CDCA7L: variants seen among roughly 807,000 people sequenced by gnomAD.
CDCA7L encodes the protein cell division cycle-associated 7-like protein.
A neutral mutation model predicts 57.4 loss-of-function variants in CDCA7L; 44 were observed. The observed-to-expected ratio is 0.77, with a 90% CI of 0.60 to 0.98. CDCA7L has a LOEUF of 0.98. CDCA7L is among the 50% of genes least tolerant of loss of function. The probability of loss-of-function intolerance (pLI) is 0.00; values close to 1 mark genes in which losing one functional copy is unlikely to be tolerated. For synonymous variants in CDCA7L, 236 were observed against 202.8 expected, an observed-to-expected ratio of 1.16 and a Z score of -1.39; for missense variants, 644 against 580.6, an observed-to-expected ratio of 1.11 and a Z score of -1.12.
At chr7:21,917,458 T>C (rs968492348) in intron 1 of CDCA7L, among the ~76,000 whole-genome samples, 6 of 152,208 alleles carry the variant, frequency 3.9e-5, no homozygotes, top group African/African-American at 7.2e-5. Context: ...TAGGGGATAA[T>C]TGATCCCAGA....
At chr7:21,922,840 G>T (rs1236031962) in intron 1 of CDCA7L, among the ~76,000 whole-genome samples, 1 of 152,124 alleles carries the variant, frequency 6.6e-6, no homozygotes, top group Non-Finnish European at 1.5e-5. Flanking sequence ...ACACTAAAAA[G>T]GAAGGAAATT....
chr7:21,902,565 C>CAGAGTTTATTA (rs1562617914), intron 9 of CDCA7L: 8 of 578,864 alleles, frequency 1.4e-5, no homozygotes, highest in East Asian at 2.9e-5. Context: ...TCCAGAACCA[C>CAGAGTTTATTA]GATTCAGAGT....
Position 21,901,283 on chromosome 7 carries a change from C to A in CDCA7L, c.*1039G>T. The A allele has an allele frequency of 6.3e-7, 1 of 1,581,154 alleles. No individual in the cohort carries two copies. Among genetic ancestry groups the A allele is most frequent in the Non-Finnish European group, 8.6e-7 (1 of 1,162,618 alleles). On this transcript the variant is annotated 3_prime_UTR_variant, in exon 10 of 10. Transcript: ENST00000406877. Reference sequence around the variant, plus strand: ...AACACTGGCATTCCTCTAGCCTCTGCTGGAGTGCAGTGAGGATTTTCTAGC... The same window carrying A: ...AACACTGGCATTCCTCTAGCCTCTGATGGAGTGCAGTGAGGATTTTCTAGC...
intron 1 of CDCA7L, among the ~76,000 whole-genome samples, chr7:21,932,850 T>A (rs1218629295): frequency 2.6e-5 from 4 of 151,814 alleles, no homozygotes; most frequent in African/African-American, 7.3e-5. Flanking sequence ...GAAACTATCA[T>A]CAGAGTGAAC....
Position 21,902,181 on chromosome 7 carries a change from T to A in CDCA7L, c.*141A>T. ...GAAATCTTTGTAAGCATATAAACAA[T>A]CTTTAACAAAAAATAGTAATTTCTA... On this transcript the variant is annotated 3_prime_UTR_variant, in exon 10 of 10. Coordinates refer to ENST00000406877, the MANE Select transcript of CDCA7L (RefSeq NM_018719.5). 1 of 828,848 alleles carries A rather than the reference T, an allele frequency of 1.2e-6. No individual in the cohort carries two copies. Among genetic ancestry groups the A allele is most frequent in the Non-Finnish European group, 2.0e-6 (1 of 494,324 alleles). 51.3% of individuals were successfully genotyped at this position (828,848 alleles called of 1,614,324 possible).
At chr7:21,929,502 C>T (rs1187267043) in intron 1 of CDCA7L, among the ~76,000 whole-genome samples, 1 of 151,978 alleles carries the variant, frequency 6.6e-6, no homozygotes. Flanking sequence ...TTAAAAGACA[C>T]AGACCGGCAA....
intron 1 of CDCA7L, among the ~76,000 whole-genome samples, chr7:21,918,009 A>G (rs1583857973): frequency 1.3e-5 from 1 of 78,702 alleles, no homozygotes; most frequent in East Asian, 8.5e-4. Context: ...TTCTTTTTAG[A>G]TAGACCATGA....
chr7:21,902,431 C>CATCTAAG, intron 9 of CDCA7L, 79 bp from the exon 10 acceptor site: 2 of 1,371,416 alleles, frequency 1.5e-6, no homozygotes, highest in Non-Finnish European at 1.0e-6. Context: ...ATTCCACAAT[C>CATCTAAG]ATCTAAGAGT....
At chr7:21,932,227 C>A (rs910133815) in intron 1 of CDCA7L, among the ~76,000 whole-genome samples, 1 of 152,072 alleles carries the variant, frequency 6.6e-6, no homozygotes, top group Non-Finnish European at 1.5e-5. Flanking sequence ...CCATACTGCC[C>A]AAAGTAATTT....
At chr7:21,919,365 G>A (rs1054775935) in intron 1 of CDCA7L, among the ~76,000 whole-genome samples, 1 of 152,056 alleles carries the variant, frequency 6.6e-6, no homozygotes, top group Non-Finnish European at 1.5e-5. Flanking sequence ...TTCTGACATG[G>A]CACTAAGGGT....
chr7:21,923,331 A>G (rs909483108), intron 1 of CDCA7L, among the ~76,000 whole-genome samples: 1 of 152,080 alleles, frequency 6.6e-6, no homozygotes, highest in Non-Finnish European at 1.5e-5. Context: ...TCTACCAAAA[A>G]AGATACAAAA....
At chr7:21,941,412 A>C (rs1385145893) in intron 1 of CDCA7L, among the ~76,000 whole-genome samples, 3 of 152,232 alleles carry the variant, frequency 2.0e-5, no homozygotes, top group Admixed American at 1.3e-4. Flanking sequence ...CACTTCATGG[A>C]AACTGCAGAA....
intron 1 of CDCA7L, among the ~76,000 whole-genome samples, chr7:21,921,651 G>A (rs1583861432): frequency 7.1e-6 from 1 of 140,886 alleles, no homozygotes; most frequent in African/African-American, 2.7e-5. Context: ...CCAATCATAA[G>A]ACTCACCAAA....
chr7:21,927,525 TAAACTAC>T (rs2128065986), intron 1 of CDCA7L, among the ~76,000 whole-genome samples: 1 of 152,192 alleles, frequency 6.6e-6, no homozygotes, highest in Admixed American at 6.5e-5. Context: ...GAAAACAGCC[TAAACTAC>T]TTCTTTAGGC....
In CDCA7L at chr7:21,902,201, TTTC is replaced by T. The variant is rs1218233537; in HGVS notation, c.*118_*120del. 1.0e-6 allele frequency: 1 copy of T among 974,388 alleles called. No individual in the cohort carries two copies. Among genetic ancestry groups the T allele is most frequent in the Non-Finnish European group, 1.6e-6 (1 of 613,970 alleles). The allele number at this position is 974,388 out of a possible 1,614,324, so 60.4% of individuals were successfully genotyped here. On this transcript the variant is annotated 3_prime_UTR_variant, in exon 10 of 10. Transcript: ENST00000406877. ...AACAATCTTTAACAAAAAATAGTAA[TTTC>T]TACAAAGAATTTCTGTATAAAAACA...
intron 3 of CDCA7L, among the ~76,000 whole-genome samples, chr7:21,910,414 C>G (rs139340010): frequency 6.6e-6 from 1 of 152,150 alleles, no homozygotes; most frequent in Non-Finnish European, 1.5e-5. Flanking sequence ...AAGCAGCCTA[C>G]CATGCGGGCT....
At chr7:21,906,498 C>G in intron 5 of CDCA7L, 42 bp from the exon 6 acceptor site, 1 of 1,611,138 alleles carries the variant, frequency 6.2e-7, no homozygotes, top group Non-Finnish European at 8.5e-7. Flanking sequence ...GGGACTCTCT[C>G]GAATAAAAGC....
chr7:21,908,362 G>A lies in CDCA7L; in HGVS notation c.449C>T (p.Thr150Ile), dbSNP rs367949098. ...ATCTGGTTTGTTGGCCAGCTTCTTGGTGGGGAACTGAAAGGCTACTCGAAG... is the reference window on the plus strand; with the variant it reads ...ATCTGGTTTGTTGGCCAGCTTCTTGATGGGGAACTGAAAGGCTACTCGAAG... ...IGLRVAFQFP[T>I]KKLANKPDKN... The change falls in exon 4 of 10, where the codon ACC becomes ATC. Residue 150 changes from threonine to isoleucine, a missense_variant. Thr to Ile is a moderately conservative substitution (Grantham distance 89, BLOSUM62 -1). Transcript: ENST00000406877. 3 of 1,610,752 alleles carry A rather than the reference G, an allele frequency of 1.9e-6. No individual in the cohort carries two copies. The highest frequency in any genetic ancestry group is 2.2e-5 in the South Asian group (2 of 90,804).
chr7:21,904,100 CTG>C lies in CDCA7L; in HGVS notation c.1197+8_1197+9del. ...ATACAATTTACAACAAATGCAAACACTGTTCCTACCGGGTCCAGCAATGCCGA... is the reference window on the plus strand; with the variant it reads ...ATACAATTTACAACAAATGCAAACACTTCCTACCGGGTCCAGCAATGCCGA... On this transcript the variant is annotated splice_region_variant and intron_variant, in intron 8 of 9. Transcript: ENST00000406877. 5 of 1,580,284 alleles carry C rather than the reference CTG, an allele frequency of 3.2e-6. No individual in the cohort carries two copies. Among genetic ancestry groups the C allele is most frequent in the Non-Finnish European group, 4.3e-6 (5 of 1,164,992 alleles).
Sources: allele counts gnomAD v4.1 joint callset (sites outside exome capture counted in the v4.1 genomes callset), GRCh38; gene constraint gnomAD v4.1.1; transcripts MANE v1.5; gene names NCBI Gene and HGNC (gene_info 2026-07-23, HGNC 2026-07-21).